PTPRH: variants seen among roughly 807,000 people sequenced by gnomAD.
PTPRH encodes the protein protein tyrosine phosphatase receptor type H, also known as receptor-type tyrosine-protein phosphatase H.
In PTPRH, 113 loss-of-function variants were observed where a neutral mutation model predicts 130.2. The observed-to-expected ratio is 0.87, with a 90% CI of 0.75 to 1.01. The LOEUF (loss-of-function observed/expected upper bound fraction) is 1.01. Ranked by LOEUF, PTPRH falls within the 50% of genes least tolerant of loss-of-function variation. The pLI is 0.00. For missense variants in PTPRH, 1,430 were observed against 1,425.0 expected (o/e 1.00, Z -0.06); for synonymous variants, 556 against 577.9 (o/e 0.96, Z 0.54).
chr19:55,203,594 G>A (rs2086941930), intron 5 of PTPRH, among the ~76,000 whole-genome samples, 188 bp downstream of exon 5: 2 of 151,166 alleles, frequency 1.3e-5, no homozygotes, highest in Admixed American at 1.3e-4. Context: ...TATTTTTTTT[G>A]TAGAGACAGG....
intron 5 of PTPRH, among the ~76,000 whole-genome samples, chr19:55,203,575 C>CT (rs2086941208): frequency 6.6e-6 from 1 of 151,618 alleles, no homozygotes; most frequent in African/African-American, 2.4e-5. Flanking sequence ...GCCACCACAG[C>CT]TACTTTTTTA....
At chr19:55,186,406 C>T (rs200391066) in intron 15 of PTPRH, 47 bp from the exon 16 acceptor site, 71 of 1,612,686 alleles carry the variant, frequency 4.4e-5, no homozygotes, top group Non-Finnish European at 5.6e-5. Context: ...AGTTGATCCC[C>T]GAGCTCTTAT....
In PTPRH at chr19:55,203,951, C is replaced by T. The variant is rs9304763; in HGVS notation, c.717G>A (p.Ser239=). ...EVPDGTDPQN[S]TYCVQCTGDG... ...CTCCAGTGCACTGAACGCAGTAGGT[C>T]GAGTTCTGTGGGTCTGTGCCATCGG... is the stretch of plus-strand genomic sequence containing the variant. The change falls in exon 5 of 20, where the codon TCG becomes TCA. Residue 239 remains serine, a synonymous_variant. Coordinates refer to ENST00000376350, the MANE Select transcript of PTPRH (RefSeq NM_002842.5). The T allele has an allele frequency of 2.7e-5, 43 of 1,613,808 alleles. No homozygotes were observed. Among genetic ancestry groups the T allele is most frequent in the Non-Finnish European group, 3.1e-5 (37 of 1,179,964 alleles).
At chr19:55,203,570 C>T (rs2086941133) in intron 5 of PTPRH, among the ~76,000 whole-genome samples, 1 of 151,558 alleles carries the variant, frequency 6.6e-6, no homozygotes, top group South Asian at 2.1e-4. Flanking sequence ...AACACGCCAC[C>T]ACAGCTACTT....
Position 55,203,917 on chromosome 19 carries a change from T to A in PTPRH, c.751A>T (p.Arg251Ter). 6.2e-7 allele frequency: 1 copy of A among 1,614,196 alleles called. No individual in the cohort carries two copies. ...YCVQCTGDGG[R>*]TETRNTTDTR... ...TCTGTTGTGTTTCGAGTCTCTGTTCTGCCACCATCTCCAGTGCACTGAACG... is the reference window on the plus strand; with the variant it reads ...TCTGTTGTGTTTCGAGTCTCTGTTCAGCCACCATCTCCAGTGCACTGAACG... Residue 251 changes from arginine to a stop codon, truncating the protein, a stop_gained, in exon 5 of 20, where the codon AGA (arginine) becomes TGA (stop). Coordinates refer to ENST00000376350, the MANE Select transcript of PTPRH (RefSeq NM_002842.5). LOFTEE classifies it high-confidence loss of function.
chr19:55,192,018 T>C (rs1191233479), intron 10 of PTPRH: 1 of 587,734 alleles, frequency 1.7e-6, no homozygotes, highest in Admixed American at 2.2e-5. Context: ...ACCTTTATGA[T>C]GATCTACTTA....
chr19:55,200,046 G>A (rs2086809564), intron 7 of PTPRH, among the ~76,000 whole-genome samples, 190 bp downstream of exon 7: 1 of 152,210 alleles, frequency 6.6e-6, no homozygotes, highest in Admixed American at 6.5e-5. Context: ...GGAGAAGTCT[G>A]GATGGGCTCT....
chr19:55,184,007 G>A lies in PTPRH; in HGVS notation c.3062+1495C>T, dbSNP rs1022008826. 5.3e-4 allele frequency among the ~76,000 whole-genome samples: 81 copies of A among 151,746 alleles called. 1 individual carries two copies. The highest frequency in any genetic ancestry group is 1.7e-3 in the African/African-American group (71 of 41,366). ...GCTCTAAAATGGGGAGGACATTGCC[G>A]GGCACAGTGGTTCACGCCTGTAATC... On this transcript the variant is annotated intron_variant, in intron 18 of 19. Transcript: ENST00000376350.
Position 55,203,895 on chromosome 19 carries a change from G to T in PTPRH, c.773C>A (p.Thr258Lys). 1 of 1,614,210 alleles carries T rather than the reference G, an allele frequency of 6.2e-7. No homozygotes were observed. The highest frequency in any genetic ancestry group is 8.5e-7 in the Non-Finnish European group (1 of 1,180,036). ...DGGRTETRNT[T>K]DTRVTVDGLG... ...GCCATCCACGGTGACTCTGGTGTCT[G>T]TTGTGTTTCGAGTCTCTGTTCTGCC... Residue 258 changes from threonine to lysine, a missense_variant, in exon 5 of 20, where the codon ACA (threonine) becomes AAA (lysine). Transcript: ENST00000376350.
intron 12 of PTPRH, among the ~76,000 whole-genome samples, chr19:55,190,602 T>A (rs1013441090): frequency 8.5e-4 from 115 of 135,258 alleles, no homozygotes; most frequent in African/African-American, 2.6e-3. Flanking sequence ...ATTTATATAT[T>A]ATATATTATA....
At chr19:55,196,869 G>C (rs2147496051) in intron 9 of PTPRH, 81 bp from the exon 10 acceptor site, 1 of 1,519,412 alleles carries the variant, frequency 6.6e-7, no homozygotes, top group Non-Finnish European at 8.9e-7. Flanking sequence ...AGTTTTCTGA[G>C]ACGAGCCCAT....
chr19:55,197,599 C>G (rs1473898822), intron 8 of PTPRH, among the ~76,000 whole-genome samples, 183 bp from the exon 9 acceptor site: 1 of 152,140 alleles, frequency 6.6e-6, no homozygotes, highest in Non-Finnish European at 1.5e-5. Flanking sequence ...TCTCCTAGCC[C>G]TCTCCGTCCC....
At chr19:55,190,322 A>G (rs2086488212) in intron 12 of PTPRH, among the ~76,000 whole-genome samples, 1 of 149,694 alleles carries the variant, frequency 6.7e-6, no homozygotes, top group Non-Finnish European at 1.5e-5. Context: ...GTGAGCCGAG[A>G]TCATGCCACT....
In PTPRH at chr19:55,181,780, T is replaced by G. The variant is rs778185874; in HGVS notation, c.3322A>C (p.Ile1108Leu). The change falls in exon 20 of 20, where the codon ATC becomes CTC. Residue 1108 changes from isoleucine to leucine, a missense_variant. Transcript: ENST00000376350. Reference protein sequence around the residue: ...ENLIYENVAAIQAHKLEV With the variant: ...ENLIYENVAALQAHKLEV ...TAGACCTCCAACTTGTGGGCCTGGA[T>G]GGCGGCCACGTTCTCGTAGATGAGG... 5 of 1,614,158 alleles carry G rather than the reference T, an allele frequency of 3.1e-6. No homozygotes were observed. The South Asian group carries it at 5.5e-5, about 18-fold the overall frequency.
chr19:55,209,100 G>A lies in PTPRH; in HGVS notation c.51+283C>T, dbSNP rs564423561. On this transcript the variant is annotated intron_variant, in intron 1 of 19. Transcript: ENST00000376350. This position sits in a 1 kb window ranked among gnomAD's most constrained non-coding sequence, Gnocchi z 4.1. ...AGCCAGTGTCCCCCGCAGCAGACACGACAGTGTCTAAGGGCCCGGGTGAAG... is the reference window on the plus strand; with the variant it reads ...AGCCAGTGTCCCCCGCAGCAGACACAACAGTGTCTAAGGGCCCGGGTGAAG... 8.6e-5 allele frequency among the ~76,000 whole-genome samples: 13 copies of A among 152,042 alleles called. No individual in the cohort carries two copies. The highest frequency in any genetic ancestry group is 1.9e-4 in the African/African-American group (8 of 41,462).
intron 1 of PTPRH, 127 bp from the exon 2 acceptor site, chr19:55,207,326 G>T: frequency 9.7e-7 from 1 of 1,035,404 alleles, no homozygotes; most frequent in African/African-American, 1.6e-5. Context: ...GGAGGGGCCG[G>T]TGTTAGGCTG....
chr19:55,196,872 G>T, intron 9 of PTPRH, 84 bp from the exon 10 acceptor site: 2 of 1,503,410 alleles, frequency 1.3e-6, no homozygotes, highest in Admixed American at 3.9e-5. Context: ...TTTCTGAGAC[G>T]AGCCCATCCC....
chr19:55,198,457 C>T (rs750828086), intron 8 of PTPRH, among the ~76,000 whole-genome samples, 186 bp downstream of exon 8: 3 of 152,164 alleles, frequency 2.0e-5, no homozygotes, highest in Non-Finnish European at 4.4e-5. Flanking sequence ...GGTCCCACAG[C>T]TTGGAAAGCC....
chr19:55,189,837 T>C, intron 12 of PTPRH: 1 of 427,746 alleles, frequency 2.3e-6, no homozygotes, highest in Admixed American at 2.6e-5. Flanking sequence ...CTACAAAAAA[T>C]TAAAAAATTA....
Sources: gnomAD v4.1 joint callset for allele counts (sites outside exome capture counted in the v4.1 genomes callset) on GRCh38, gnomAD v4.1.1 for gene constraint, Gnocchi (gnomAD v3.1) non-coding constraint, MANE v1.5 for transcripts, NCBI Gene and HGNC (gene_info 2026-07-23, HGNC 2026-07-21) for gene names.